NAV2: variants seen among roughly 807,000 people sequenced by gnomAD.
NAV2 encodes neuron navigator 2, also known as helicase, APC down-regulated 1.
In NAV2, 54 loss-of-function variants were observed where a neutral mutation model predicts 223.2. The observed-to-expected ratio is 0.24, with a 90% CI of 0.19 to 0.30. NAV2 has a LOEUF of 0.30. Ranked by LOEUF, NAV2 falls within the 10% of genes least tolerant of loss-of-function variation. The pLI, the probability that NAV2 is intolerant of heterozygous loss-of-function variation, is 1.00. For synonymous variants in NAV2, 1,279 were observed against 1,239.3 expected (o/e 1.03, Z -0.67); for missense variants, 2,806 against 3,147.5 (o/e 0.89, Z 2.60).
intron 1 of NAV2, among the ~76,000 whole-genome samples, chr11:19,792,724 T>G (rs1043601076): frequency 6.6e-6 from 1 of 152,170 alleles, no homozygotes; most frequent in Non-Finnish European, 1.5e-5. Flanking sequence ...CTTAATACTC[T>G]TATCTCAGCA....
At chr11:20,023,724 G>GTGTGTGTGTA (rs1554902410) in intron 11 of NAV2, among the ~76,000 whole-genome samples, 3 of 151,910 alleles carry the variant, frequency 2.0e-5, no homozygotes, top group African/African-American at 7.3e-5. Flanking sequence ...GTGTGTGTGT[G>GTGTGTGTGTA]TGTGTGTGTG....
chr11:19,849,668 C>T (rs549530506), intron 3 of NAV2, among the ~76,000 whole-genome samples: 1 of 152,328 alleles, frequency 6.6e-6, no homozygotes, highest in African/African-American at 2.4e-5. Flanking sequence ...TGAGTTGCCT[C>T]TTCCCTGGGC....
In NAV2 at chr11:19,933,597, C is replaced by T. The variant is rs371213854; in HGVS notation, c.1353C>T (p.Thr451=). Residue 451 remains threonine (T), a synonymous_variant, in exon 7 of 38, where the codon ACC becomes ACT. Transcript: ENST00000349880. The surrounding 1 kb of genome is among the most constrained non-coding windows in gnomAD (Gnocchi z 4.3). ...AGGCCGCCAGTCGCATGCTCACCAC[C>T]GTGGGCCCTGCTTCCAGCAGCCCCA... The part of the protein sequence containing the change: ...ELEAASRMLT[T]VGPASSSPKI... 7.7e-5 allele frequency: 124 copies of T among 1,613,794 alleles called. No homozygotes were observed. The highest frequency in any genetic ancestry group is 2.8e-4 in the African/African-American group (21 of 75,056).
chr11:19,786,192 G>A (rs1226760637), intron 1 of NAV2, among the ~76,000 whole-genome samples: 1 of 152,168 alleles, frequency 6.6e-6, no homozygotes, highest in Non-Finnish European at 1.5e-5. Flanking sequence ...GTGTTCCAAG[G>A]CCATCTACAG....
chr11:19,880,142 C>A lies in NAV2; in HGVS notation c.770+15C>A. The A allele has an allele frequency of 6.4e-7, 1 of 1,553,142 alleles. No homozygotes were observed. The highest frequency in any genetic ancestry group is 8.7e-7 in the Non-Finnish European group (1 of 1,149,176). On this transcript the variant is annotated intron_variant, in intron 5 of 37. Coordinates refer to ENST00000349880, the MANE Select transcript of NAV2 (RefSeq NM_145117.5). The stretch of plus-strand genomic sequence containing the variant: ...ATGCAGTCCAGGTGGGGGCTCCTTG[C>A]CAACTGATGGTTCTGTTTTTCAGGC...
intron 1 of NAV2, among the ~76,000 whole-genome samples, chr11:19,601,730 C>T (rs891246458): frequency 2.0e-5 from 3 of 152,140 alleles, no homozygotes; most frequent in South Asian, 2.1e-4. Flanking sequence ...TCTCTCCATG[C>T]GATGGGGTCA....
chr11:19,899,383 G>C (rs932532724), intron 6 of NAV2, among the ~76,000 whole-genome samples: 1 of 152,172 alleles, frequency 6.6e-6, no homozygotes, highest in Non-Finnish European at 1.5e-5. Context: ...CCATGGAAAA[G>C]TTGCCCACGT....
intron 1 of NAV2, among the ~76,000 whole-genome samples, chr11:19,561,284 G>A (rs752865203): frequency 6.6e-6 from 1 of 152,154 alleles, no homozygotes; most frequent in African/African-American, 2.4e-5. Context: ...GAGTGAAGCC[G>A]GATATCTGGG....
intron 1 of NAV2, among the ~76,000 whole-genome samples, chr11:19,361,031 C>G (rs1471946079): frequency 1.3e-5 from 2 of 151,918 alleles, no homozygotes; most frequent in Non-Finnish European, 2.9e-5. Context: ...CAATCCTGGC[C>G]TCAGAAAGTC....
chr11:20,085,840 A>G (rs956916584), intron 26 of NAV2, among the ~76,000 whole-genome samples: 1 of 152,162 alleles, frequency 6.6e-6, no homozygotes, highest in African/African-American at 2.4e-5. Flanking sequence ...GGCCTAGAAG[A>G]GGCTTATGTC....
intron 1 of NAV2, among the ~76,000 whole-genome samples, chr11:19,603,796 T>C (rs1021384103): frequency 6.6e-6 from 1 of 151,094 alleles, no homozygotes; most frequent in Non-Finnish European, 1.5e-5. Flanking sequence ...AAAAGGAAAA[T>C]CAAGCAAAGA....
intron 3 of NAV2, among the ~76,000 whole-genome samples, chr11:19,843,647 A>G (rs1738977675): frequency 1.3e-5 from 2 of 152,214 alleles, no homozygotes; most frequent in Admixed American, 6.5e-5. Context: ...TTACAAAAAA[A>G]AGTATATTTT....
At chr11:19,352,575 G>T (rs1853387117) in intron 1 of NAV2, among the ~76,000 whole-genome samples, 1 of 152,094 alleles carries the variant, frequency 6.6e-6, no homozygotes, top group Admixed American at 6.5e-5. Flanking sequence ...ACATCAATTG[G>T]TCATGCTCAG....
chr11:19,401,082 G>A (rs1168934294), intron 1 of NAV2, among the ~76,000 whole-genome samples: 1 of 152,174 alleles, frequency 6.6e-6, no homozygotes, highest in African/African-American at 2.4e-5. Context: ...TCAAAATAGA[G>A]CCTAATGGAT....
At chr11:19,389,855 AG>A (rs1199538327) in intron 1 of NAV2, among the ~76,000 whole-genome samples, 1 of 152,214 alleles carries the variant, frequency 6.6e-6, no homozygotes, top group Admixed American at 6.5e-5. Context: ...TTCATGGTGA[AG>A]GACTGGCCAG....
At chr11:20,054,037 GC>G (rs1413789647) in intron 17 of NAV2, 42 bp from the exon 18 acceptor site, 1 of 1,591,592 alleles carries the variant, frequency 6.3e-7, no homozygotes, top group Admixed American at 1.8e-5. Flanking sequence ...ATTTTAATAA[GC>G]ATTGTTCATA....
At chr11:19,417,370 A>C (rs900950653) in intron 1 of NAV2, among the ~76,000 whole-genome samples, 42 of 152,234 alleles carry the variant, frequency 2.8e-4, no homozygotes, top group Non-Finnish European at 5.0e-4. Context: ...ATAATTAGAG[A>C]AATGCAAATC....
chr11:19,514,434 T>C (rs1463856414), intron 1 of NAV2, among the ~76,000 whole-genome samples: 1 of 152,178 alleles, frequency 6.6e-6, no homozygotes, highest in Non-Finnish European at 1.5e-5. Context: ...GGTGAAAATA[T>C]TTATCAACTC....
chr11:19,967,711 C>G (rs2048889678), intron 10 of NAV2, among the ~76,000 whole-genome samples: 1 of 152,198 alleles, frequency 6.6e-6, no homozygotes, highest in South Asian at 2.1e-4. Flanking sequence ...ATCTGGAAAA[C>G]TCTGTATCCC....
Sources: gnomAD v4.1 joint callset for allele counts (sites outside exome capture counted in the v4.1 genomes callset) on GRCh38, gnomAD v4.1.1 for gene constraint, Gnocchi (gnomAD v3.1) non-coding constraint, MANE v1.5 for transcripts, NCBI Gene and HGNC (gene_info 2026-07-23, HGNC 2026-07-21) for gene names.